Variants in TPCN1 observed in about 807,000 individuals in gnomAD.
The protein encoded by TPCN1 is two pore channel protein 1.
A neutral mutation model predicts 108.8 loss-of-function variants in TPCN1; 52 were observed. The observed-to-expected ratio is 0.48, with a 90% CI of 0.38 to 0.60. TPCN1 has a LOEUF of 0.60. TPCN1 is among the 20% of genes least tolerant of loss of function. The probability of loss-of-function intolerance (pLI) is 0.00; values close to 1 mark genes in which losing one functional copy is unlikely to be tolerated. For synonymous variants in TPCN1, 446 were observed against 433.7 expected (o/e 1.03, Z -0.35); for missense variants, 806 against 1,072.8 (o/e 0.75, Z 3.47).
chr12:113,276,993 A>G lies in TPCN1; in HGVS notation c.1017A>G (p.Arg339=). ...RKFKSLLLHK[R]TAIQHAYRLL... ...TCAAGTCTTTGCTACTGCACAAGCG[A>G]ACCGCTATCCAGCATGCCTACCGCC... The change falls in exon 11 of 28, where the codon CGA becomes CGG. Residue 339 remains arginine (R), a synonymous_variant. Coordinates refer to ENST00000335509, the MANE Select transcript of TPCN1 (RefSeq NM_017901.6). 1.2e-6 allele frequency: 2 copies of G among 1,614,106 alleles called. No homozygotes were observed. Among genetic ancestry groups the G allele is most frequent in the Non-Finnish European group, 1.7e-6 (2 of 1,180,024 alleles).
intron 22 of TPCN1, among the ~76,000 whole-genome samples, chr12:113,290,742 T>C (rs575571288): frequency 1.6e-3 from 236 of 152,248 alleles, no homozygotes; most frequent in Non-Finnish European, 2.7e-3. Flanking sequence ...GCAGAGGGTG[T>C]GTTCTCTTGG....
rs1172851714 is a variant in TPCN1 at position 113,223,435 on chromosome 12, C to CTT, written c.-126+1825_-126+1826dup. Among the ~76,000 whole-genome samples the CTT allele has an allele frequency of 4.4e-4, 53 of 120,286 alleles. 1 individual carries two copies. The highest frequency in any genetic ancestry group is 1.6e-3 in the African/African-American group (52 of 31,998). 78.9% of individuals were successfully genotyped at this position (120,286 alleles called of 152,430 possible). A position where few individuals can be genotyped will look rare whatever the true frequency, so the allele number is the denominator to read the frequency against. On this transcript the variant is annotated intron_variant, in intron 1 of 27. Coordinates refer to ENST00000335509, the MANE Select transcript of TPCN1 (RefSeq NM_017901.6). Reference sequence around the variant, plus strand: ...AGGTCTGCAGTCAGATCTGCTGAGTCTTTTTTTTTTTTTTTTTGGTTCTTC... The same window carrying CTT: ...AGGTCTGCAGTCAGATCTGCTGAGTCTTTTTTTTTTTTTTTTTTTGGTTCTTC...
At chr12:113,295,443 TAAAAAAAAAA>T (rs61221998) in intron 27 of TPCN1, among the ~76,000 whole-genome samples, 1 of 92,076 alleles carries the variant, frequency 1.1e-5, no homozygotes, top group African/African-American at 4.1e-5. Context: ...CTCTGTCTCC[TAAAAAAAAAA>T]AAAAAAAAAA....
intron 2 of TPCN1, among the ~76,000 whole-genome samples, chr12:113,233,119 C>G (rs754809714): frequency 2.6e-4 from 40 of 152,340 alleles, no homozygotes; most frequent in South Asian, 8.3e-4. Flanking sequence ...GGAGCTTTCA[C>G]TTCCTCAGCC....
Position 113,226,965 on chromosome 12 carries a change from G to T in TPCN1, c.112+1G>T. 6.2e-7 allele frequency: 1 copy of T among 1,611,832 alleles called. No individual in the cohort carries two copies. Among genetic ancestry groups the T allele is most frequent in the South Asian group, 1.1e-5 (1 of 90,928 alleles). ...GGCCAAGAAGAGCTACCTAGCAAAA[G>T]TAAGATGGTGGGGTGGGCTGGGGGG... is the stretch of plus-strand genomic sequence containing the variant. On this transcript the variant is annotated splice_donor_variant, in intron 2 of 27. Coordinates refer to ENST00000335509, the MANE Select transcript of TPCN1 (RefSeq NM_017901.6). LOFTEE classifies it high-confidence loss of function.
chr12:113,240,180 G>A (rs1193099684), intron 2 of TPCN1, among the ~76,000 whole-genome samples: 1 of 152,148 alleles, frequency 6.6e-6, no homozygotes, highest in Non-Finnish European at 1.5e-5. Flanking sequence ...TCAGCCTCCA[G>A]CCTAGTTGGC....
At chr12:113,261,778 C>G (rs567204914) in intron 3 of TPCN1, among the ~76,000 whole-genome samples, 1 of 152,096 alleles carries the variant, frequency 6.6e-6, no homozygotes, top group Non-Finnish European at 1.5e-5. Flanking sequence ...ATTTACTTAA[C>G]CTGATAATCT....
chr12:113,269,461 C>G lies in TPCN1; in HGVS notation c.660-296C>G. ...GCTCATGGAAACTGACCTTTGCACC[C>G]AAGGTCATGCCCTTGGCCTTCTGCT... On this transcript the variant is annotated intron_variant, in intron 6 of 27. Coordinates refer to ENST00000335509, the MANE Select transcript of TPCN1 (RefSeq NM_017901.6). The surrounding 1 kb of genome is among the most constrained non-coding windows in gnomAD (Gnocchi z 5.0). Among the ~76,000 whole-genome samples the G allele has an allele frequency of 6.6e-6, 1 of 152,212 alleles. No homozygotes were observed. The highest frequency in any genetic ancestry group is 1.9e-4 in the East Asian group (1 of 5,200).
In TPCN1 at chr12:113,246,906, C is replaced by T. The variant is rs118040956; in HGVS notation, c.113-13462C>T. On this transcript the variant is annotated intron_variant, in intron 2 of 27. Coordinates refer to ENST00000335509, the MANE Select transcript of TPCN1 (RefSeq NM_017901.6). The stretch of plus-strand genomic sequence containing the variant: ...TGGGGTGATGCGGGGTGAGCCTGCC[C>T]GGTCACTTTGTTGGCTAGGATGCTT... Among the ~76,000 whole-genome samples the T allele has an allele frequency of 5.3e-3, 804 of 152,322 alleles. 23 individuals are homozygous for T. The East Asian group carries it at 0.071, about 13-fold the overall frequency.
chr12:113,270,349 C>G (rs988715769), intron 7 of TPCN1, among the ~76,000 whole-genome samples: 2 of 152,206 alleles, frequency 1.3e-5, no homozygotes, highest in Non-Finnish European at 1.5e-5. Flanking sequence ...TCTGGAAGTC[C>G]AAGATCAAAG....
At chr12:113,286,661 G>T (rs575340915) in intron 18 of TPCN1, among the ~76,000 whole-genome samples, 3 of 152,298 alleles carry the variant, frequency 2.0e-5, no homozygotes, top group South Asian at 2.1e-4. Flanking sequence ...CTGTCTCCAG[G>T]GCTGCGGAGG....
chr12:113,284,612 C>T lies in TPCN1; in HGVS notation c.1374C>T (p.Ile458=), dbSNP rs1956003613. 1 of 1,614,082 alleles carries T rather than the reference C, an allele frequency of 6.2e-7. No individual in the cohort carries two copies. Among genetic ancestry groups the T allele is most frequent in the African/African-American group, 1.3e-5 (1 of 74,926 alleles). ...TGGTGGCAGTCAACGGGGTCTGGAT[C>T]CTCGTGGAGACATTTATGCTGAAAG... is the stretch of plus-strand genomic sequence containing the variant. ...YLVVAVNGVW[I]LVETFMLKGG... Residue 458 remains isoleucine (I), a synonymous_variant, in exon 16 of 28, where the codon ATC becomes ATT. Transcript: ENST00000335509. The surrounding 1 kb of genome is among the most constrained non-coding windows in gnomAD (Gnocchi z 4.1).
chr12:113,271,694 T>C (rs558410289), intron 7 of TPCN1, among the ~76,000 whole-genome samples: 44 of 152,340 alleles, frequency 2.9e-4, no homozygotes, highest in African/African-American at 1.0e-3. Context: ...GTTTTTCTTA[T>C]CACAAATCCC....
In TPCN1 at chr12:113,288,483, C is replaced by G. The variant is rs1402899486; in HGVS notation, c.1706+249C>G. 1 of 1,503,536 alleles carries G rather than the reference C, an allele frequency of 6.7e-7. No individual in the cohort carries two copies. Among genetic ancestry groups the G allele is most frequent in the African/African-American group, 1.4e-5 (1 of 72,158 alleles). 93.1% of individuals were successfully genotyped at this position (1,503,536 alleles called of 1,614,324 possible). A position where few individuals can be genotyped will look rare whatever the true frequency, so the allele number is the denominator to read the frequency against. ...CTGTCAACTCGCTTACCACCTGTGT[C>G]TACATTCACAGGTAAGGGGTCACCT... is the stretch of plus-strand genomic sequence containing the variant. On this transcript the variant is annotated intron_variant, in intron 20 of 27. Coordinates refer to ENST00000335509, the MANE Select transcript of TPCN1 (RefSeq NM_017901.6). This position sits in a 1 kb window ranked among gnomAD's most constrained non-coding sequence, Gnocchi z 4.8.
chr12:113,254,748 G>A (rs2136545858), intron 2 of TPCN1, among the ~76,000 whole-genome samples: 1 of 152,250 alleles, frequency 6.6e-6, no homozygotes, highest in Non-Finnish European at 1.5e-5. Flanking sequence ...CAAAAAGTTT[G>A]GAATTTTGGA....
At chr12:113,283,656 G>T (rs1955968316) in intron 15 of TPCN1, among the ~76,000 whole-genome samples, 2 of 151,946 alleles carry the variant, frequency 1.3e-5, no homozygotes, top group South Asian at 4.2e-4. Flanking sequence ...GTAATATGTA[G>T]AAATGTACCT....
Position 113,288,730 on chromosome 12 carries a change from G to A in TPCN1, c.1707-28G>A, listed in dbSNP as rs778885040. 4.2e-5 allele frequency: 68 copies of A among 1,609,256 alleles called. No individual in the cohort carries two copies. In the Admixed American group the frequency reaches 4.7e-4, roughly 11 times the overall value. On this transcript the variant is annotated intron_variant, in intron 20 of 27. Transcript: ENST00000335509. This position sits in a 1 kb window ranked among gnomAD's most constrained non-coding sequence, Gnocchi z 4.8. ...GGAGCCGTTCCCTCCTGCCGGCCCC[G>A]CGTCACCCTGCCCCTGTCGCCCCAC...
chr12:113,280,628 A>G (rs1286112511), intron 15 of TPCN1, among the ~76,000 whole-genome samples: 1 of 152,222 alleles, frequency 6.6e-6, no homozygotes, highest in Non-Finnish European at 1.5e-5. Context: ...ACATGTGGCA[A>G]TTTACATTTA....
intron 18 of TPCN1, 142 bp downstream of exon 18, chr12:113,286,103 A>G (rs1593199700): frequency 4.1e-6 from 3 of 737,618 alleles, no homozygotes; most frequent in Non-Finnish European, 7.0e-6. Context: ...TGTCTCCCTC[A>G]AGCAGCCCTG....
Sources: gnomAD v4.1 joint callset for allele counts (sites outside exome capture counted in the v4.1 genomes callset) on GRCh38, gnomAD v4.1.1 for gene constraint, Gnocchi (gnomAD v3.1) non-coding constraint, MANE v1.5 for transcripts, NCBI Gene and HGNC (gene_info 2026-07-23, HGNC 2026-07-21) for gene names.